The following GTF2F1 variants were observed in gnomAD, a reference collection of about 807,000 sequenced individuals.
GTF2F1 encodes general transcription factor IIF 74 kDa subunit.
GTF2F1 carries 39 observed loss-of-function variants against 63.5 expected under a neutral mutation model. That is an observed-to-expected ratio of 0.61 (90% CI 0.48 to 0.80). The LOEUF (loss-of-function observed/expected upper bound fraction) is 0.80. Ranked by LOEUF, GTF2F1 falls within the 30% of genes least tolerant of loss-of-function variation. GTF2F1 has a pLI of 0.00. For missense variants in GTF2F1, 657 were observed against 718.3 expected (o/e 0.91, Z 0.97); for synonymous variants, 287 against 285.3 (o/e 1.01, Z -0.06).
chr19:6,381,023 T>C lies in GTF2F1; in HGVS notation c.1112A>G (p.Lys371Arg), dbSNP rs751676609. 2.6e-5 allele frequency: 42 copies of C among 1,611,132 alleles called. No homozygotes were observed. The Admixed American group carries it at 7.0e-4, about 27-fold the overall frequency. ...CCCTCCCGACGGCTTCCGCTCTCTC[T>C]TGGGTGGCGTCTTCTTCTTCTGCAG... ...LFMAKKKTPP[K>R]RERKPSGGSS... Residue 371 changes from lysine (K) to arginine (R), a missense_variant, in exon 11 of 13, where the codon AAG (lysine) becomes AGG (arginine). Around this residue, in one of 2 missense-constraint regions of GTF2F1, gnomAD observed 602 missense variants for 625.6 expected, o/e 0.96. Coordinates refer to ENST00000394456, the MANE Select transcript of GTF2F1 (RefSeq NM_002096.3). This position sits in a 1 kb window ranked among gnomAD's most constrained non-coding sequence, Gnocchi z 4.1.
In GTF2F1 at chr19:6,380,504, G is replaced by C. The variant is rs111666835; in HGVS notation, c.1350-19C>G. On this transcript the variant is annotated intron_variant, in intron 12 of 12. Coordinates refer to ENST00000394456, the MANE Select transcript of GTF2F1 (RefSeq NM_002096.3). This position sits in a 1 kb window ranked among gnomAD's most constrained non-coding sequence, Gnocchi z 5.3. The stretch of plus-strand genomic sequence containing the variant: ...CACGTCGCTGAGGATGGGAGGACGG[G>C]GAAGGTGGCATCAGTGAGATTGTCC... 6.2e-7 allele frequency: 1 copy of C among 1,613,428 alleles called. No homozygotes were observed. Among genetic ancestry groups the C allele is most frequent in the East Asian group, 2.2e-5 (1 of 44,868 alleles).
In GTF2F1 at chr19:6,383,258, G is replaced by A; in HGVS notation, c.682+53C>T. On this transcript the variant is annotated intron_variant, in intron 6 of 12. Coordinates refer to ENST00000394456, the MANE Select transcript of GTF2F1 (RefSeq NM_002096.3). This position sits in a 1 kb window ranked among gnomAD's most constrained non-coding sequence, Gnocchi z 4.5. The stretch of plus-strand genomic sequence containing the variant: ...GCGATGGTAGACTTTGCCTTCACTG[G>A]CACTGCCTGAGCAGGCACCTCTGTG... 1 of 1,573,306 alleles carries A rather than the reference G, an allele frequency of 6.4e-7. No homozygotes were observed. The highest frequency in any genetic ancestry group is 1.1e-5 in the South Asian group (1 of 89,638).
At chr19:6,385,394 T>A (rs865825912) in intron 5 of GTF2F1, among the ~76,000 whole-genome samples, 521 of 50,330 alleles carry the variant, frequency 0.01, 3 homozygotes, top group African/African-American at 0.05. Context: ...TGAGACTGTC[T>A]CAAAAAAAAA....
intron 4 of GTF2F1, among the ~76,000 whole-genome samples, chr19:6,387,895 G>A (rs1312804361): frequency 6.6e-6 from 1 of 150,488 alleles, no homozygotes; most frequent in Non-Finnish European, 1.5e-5. Flanking sequence ...CCGGGAAACT[G>A]AGGAGCCAAG....
intron 3 of GTF2F1, 105 bp from the exon 4 acceptor site, chr19:6,389,742 A>C: frequency 9.1e-6 from 9 of 988,924 alleles, no homozygotes; most frequent in Non-Finnish European, 1.1e-5. Context: ...CTAGATTCTC[A>C]AAACCAACTT....
chr19:6,391,129 C>T (rs2091995368), intron 3 of GTF2F1, among the ~76,000 whole-genome samples: 1 of 152,182 alleles, frequency 6.6e-6, no homozygotes, highest in Non-Finnish European at 1.5e-5. Flanking sequence ...TTGCTTCTAC[C>T]TTGGTCTCCG....
intron 5 of GTF2F1, among the ~76,000 whole-genome samples, chr19:6,384,856 T>G (rs1381798333): frequency 1.3e-5 from 2 of 151,726 alleles, no homozygotes; most frequent in Non-Finnish European, 2.9e-5. Flanking sequence ...TGATCTCGGC[T>G]CACCACAACC....
Position 6,387,595 on chromosome 19 carries a change from G to A in GTF2F1, c.327-36C>T. ...CCACGGTCATGGCCTGGCCCATAGG[G>A]ACCAGCCCCAGCCCCCCCGTGTCCC... On this transcript the variant is annotated intron_variant, in intron 4 of 12. Transcript: ENST00000394456. The A allele has an allele frequency of 3.2e-6, 5 of 1,573,748 alleles. No homozygotes were observed. In the African/African-American group the frequency reaches 5.4e-5, roughly 17 times the overall value.
At position 6,383,093 on chromosome 19, in the gene GTF2F1, G is replaced by A. The variant is rs1161750565; in HGVS notation, c.682+218C>T. Reference sequence around the variant, plus strand: ...ATTTTTGTGTTTTCAGTAGAGACACGGTCTCACTGTGTTGGCCAGGCTGGT... The same window carrying A: ...ATTTTTGTGTTTTCAGTAGAGACACAGTCTCACTGTGTTGGCCAGGCTGGT... On this transcript the variant is annotated intron_variant, in intron 6 of 12. Coordinates refer to ENST00000394456, the MANE Select transcript of GTF2F1 (RefSeq NM_002096.3). This position sits in a 1 kb window ranked among gnomAD's most constrained non-coding sequence, Gnocchi z 4.5. Among the ~76,000 whole-genome samples, 1 of 152,164 alleles carries A rather than the reference G, an allele frequency of 6.6e-6. No individual in the cohort carries two copies. The highest frequency in any genetic ancestry group is 1.5e-5 in the Non-Finnish European group (1 of 68,026).
chr19:6,381,735 G>C lies in GTF2F1; in HGVS notation c.798C>G (p.Phe266Leu), dbSNP rs142704916. ...ACATGTAGTCCACCTCTTGGCCCTC[G>C]AAGTCCCCATCATCGCTGTCCTCGA... is the stretch of plus-strand genomic sequence containing the variant. Reference protein sequence around the residue: ...EAFEDSDDGDFEGQEVDYMSD... With the variant: ...EAFEDSDDGDLEGQEVDYMSD... The change falls in exon 7 of 13, where the codon TTC becomes TTG. Residue 266 changes from phenylalanine to leucine, a missense_variant. By Grantham distance (22) the Phe-to-Leu change is conservative (BLOSUM62 0). Coordinates refer to ENST00000394456, the MANE Select transcript of GTF2F1 (RefSeq NM_002096.3). The surrounding 1 kb of genome is among the most constrained non-coding windows in gnomAD (Gnocchi z 4.1). The C allele has an allele frequency of 9.8e-5, 158 of 1,614,014 alleles. No homozygotes were observed. Among genetic ancestry groups the C allele is most frequent in the Middle Eastern group, 1.6e-4 (1 of 6,084 alleles).
At chr19:6,384,751 A>G (rs2091967859) in intron 5 of GTF2F1, among the ~76,000 whole-genome samples, 1 of 152,078 alleles carries the variant, frequency 6.6e-6, no homozygotes, top group Admixed American at 6.6e-5. Context: ...CCTGAGCAAC[A>G]TGGCGAGACA....
rs1317374222 is a variant in GTF2F1 at position 6,379,963 on chromosome 19, G to A, written c.*318C>T. 2 of 422,360 alleles carry A rather than the reference G, an allele frequency of 4.7e-6. No individual in the cohort carries two copies. Among genetic ancestry groups the A allele is most frequent in the African/African-American group, 4.0e-5 (2 of 49,848 alleles). 26.2% of individuals were successfully genotyped at this position (422,360 alleles called of 1,614,324 possible). On this transcript the variant is annotated 3_prime_UTR_variant, in exon 13 of 13. Transcript: ENST00000394456. ...TAGGGAAGTGGAAGGGAGAACTGTA[G>A]AAGTTACCCAGTGGGCAGCACAGGC...
chr19:6,391,529 T>A (rs907686626), intron 3 of GTF2F1, among the ~76,000 whole-genome samples: 12 of 142,894 alleles, frequency 8.4e-5, no homozygotes, highest in African/African-American at 2.8e-4. Flanking sequence ...CATAGCTCAC[T>A]GCAGCCTTGA....
chr19:6,385,446 A>G (rs1352133844), intron 5 of GTF2F1, among the ~76,000 whole-genome samples: 1 of 151,572 alleles, frequency 6.6e-6, no homozygotes, highest in East Asian at 1.9e-4. Context: ...TCCTTTGGTT[A>G]ACATCCAGGT....
Position 6,383,448 on chromosome 19 carries a change from A to C in GTF2F1, c.545T>G (p.Leu182Arg). Residue 182 changes from leucine to arginine, a missense_variant, in exon 6 of 13, where the codon CTC (leucine) becomes CGC (arginine). Around this residue, in one of 2 missense-constraint regions of GTF2F1, gnomAD observed 602 missense variants for 625.6 expected, o/e 0.96. Coordinates refer to ENST00000394456, the MANE Select transcript of GTF2F1 (RefSeq NM_002096.3). The surrounding 1 kb of genome is among the most constrained non-coding windows in gnomAD (Gnocchi z 4.5). ...ATCCTCGTCCTGGTCCTGATCCTTG[A>C]GCCGCCGCTGCTGCATGATGCTGAA... ...NHFSIMQQRR[L>R]KDQDQDEDEE... The C allele has an allele frequency of 1.9e-6, 3 of 1,614,100 alleles. No homozygotes were observed. Among genetic ancestry groups the C allele is most frequent in the Non-Finnish European group, 2.5e-6 (3 of 1,180,020 alleles).
At chr19:6,389,747 C>G in intron 3 of GTF2F1, 110 bp from the exon 4 acceptor site, 6 of 912,212 alleles carry the variant, frequency 6.6e-6, no homozygotes, top group Non-Finnish European at 8.4e-6. Context: ...TTCTCAAAAC[C>G]AACTTACCAC....
chr19:6,381,667 G>C lies in GTF2F1; in HGVS notation c.836+30C>G, dbSNP rs1427499112. ...AGCGCGCGCTCGCGAGGCTGCATGG[G>C]GTCTCGCAGGCGCCTCCCGTCGGCC... On this transcript the variant is annotated intron_variant, in intron 7 of 12. Coordinates refer to ENST00000394456, the MANE Select transcript of GTF2F1 (RefSeq NM_002096.3). This position sits in a 1 kb window ranked among gnomAD's most constrained non-coding sequence, Gnocchi z 4.1. The C allele has an allele frequency of 2.5e-6, 4 of 1,613,976 alleles. No individual in the cohort carries two copies. The highest frequency in any genetic ancestry group is 3.4e-6 in the Non-Finnish European group (4 of 1,180,034).
intron 4 of GTF2F1, among the ~76,000 whole-genome samples, chr19:6,387,762 G>T (rs996622686): frequency 6.6e-6 from 1 of 150,732 alleles, no homozygotes; most frequent in Non-Finnish European, 1.5e-5. Context: ...ACCCTGCAAA[G>T]TGCTGGGCGT....
chr19:6,392,787 G>C, intron 2 of GTF2F1, 70 bp downstream of exon 2: 2 of 1,467,790 alleles, frequency 1.4e-6, no homozygotes, highest in Non-Finnish European at 1.9e-6. Flanking sequence ...GAAATGGCTG[G>C]CTAAGAAGAT....
Sources: allele counts gnomAD v4.1 joint callset (sites outside exome capture counted in the v4.1 genomes callset), GRCh38; gene constraint gnomAD v4.1.1; regional missense constraint gnomAD v4.1.1; non-coding constraint Gnocchi (gnomAD v3.1); transcripts MANE v1.5; gene names NCBI Gene and HGNC (gene_info 2026-07-23, HGNC 2026-07-21).